Variants in ETV1 observed in about 807,000 individuals in gnomAD.
The protein encoded by ETV1 is ETS translocation variant 1.
Under a neutral mutation model 62.3 loss-of-function variants are expected in ETV1, and 27 were observed. The observed-to-expected ratio is 0.43, with a 90% CI of 0.32 to 0.60. ETV1 has a LOEUF of 0.60. ETV1 is among the 20% of genes least tolerant of loss of function. The pLI is 0.06. For missense variants in ETV1, 605 were observed against 605.8 expected, an observed-to-expected ratio of 1.00 and a Z score of 0.01; for synonymous variants, 222 against 199.6, an observed-to-expected ratio of 1.11 and a Z score of -0.94.
chr7:13,949,408 G>C (rs1439389068), intron 6 of ETV1, among the ~76,000 whole-genome samples: 2 of 152,102 alleles, frequency 1.3e-5, no homozygotes, highest in African/African-American at 2.4e-5. Context: ...AGAAGCAAAG[G>C]GGAAGGCTTG....
At chr7:13,981,938 T>C (rs1225900748) in intron 5 of ETV1, among the ~76,000 whole-genome samples, 1 of 152,102 alleles carries the variant, frequency 6.6e-6, no homozygotes, top group East Asian at 1.9e-4. Flanking sequence ...CCACTAAGCT[T>C]GGTTTTATAC....
chr7:13,990,893 G>T (rs1258804390), upstream of ETV1, among the ~76,000 whole-genome samples: 3 of 152,148 alleles, frequency 2.0e-5, no homozygotes, highest in Non-Finnish European at 4.4e-5. Flanking sequence ...ATTTCTATTT[G>T]AAAGTTTCCT....
intron 13 of ETV1, among the ~76,000 whole-genome samples, chr7:13,898,556 C>T (rs931673747): frequency 1.4e-4 from 21 of 152,078 alleles, no homozygotes; most frequent in African/African-American, 5.1e-4. Flanking sequence ...TTTCTTACTT[C>T]TTCCGTATTA....
intron 7 of ETV1, among the ~76,000 whole-genome samples, chr7:13,936,419 A>G (rs1012303881): frequency 6.6e-6 from 1 of 152,206 alleles, no homozygotes; most frequent in African/African-American, 2.4e-5. Flanking sequence ...ATTATATTAA[A>G]TAAATGATGC....
chr7:13,941,992 A>T lies in ETV1; in HGVS notation c.236-2746T>A, dbSNP rs534265457. ...TAGAATAAGAAATACTAAATGACAC[A>T]GCTTTGTAATACATTAACCATGCAT... On this transcript the variant is annotated intron_variant, in intron 6 of 13. Transcript: ENST00000430479. Among the ~76,000 whole-genome samples, 11 of 151,298 alleles carry T rather than the reference A, an allele frequency of 7.3e-5. No individual in the cohort carries two copies. In the East Asian group the frequency reaches 2.1e-3, roughly 29 times the overall value.
Position 13,906,298 on chromosome 7 carries a change from CTTT to C in ETV1, c.1110+129_1110+131del. The C allele has an allele frequency of 3.4e-6, 2 of 585,728 alleles. 1 individual carries two copies. Among genetic ancestry groups the C allele is most frequent in the South Asian group, 8.0e-5 (2 of 24,942 alleles). 36.3% of individuals were successfully genotyped at this position (585,728 alleles called of 1,614,324 possible). Reference sequence around the variant, plus strand: ...GGTAGACATGTTTTATCTTTGCATGCTTTTTAATTCAGAAAGTTTCCCTAAAGT... The same window carrying C: ...GGTAGACATGTTTTATCTTTGCATGCTTAATTCAGAAAGTTTCCCTAAAGT... On this transcript the variant is annotated intron_variant, in intron 12 of 13. Coordinates refer to ENST00000430479, the MANE Select transcript of ETV1 (RefSeq NM_004956.5).
chr7:13,930,390 T>C (rs1042319718), intron 9 of ETV1, among the ~76,000 whole-genome samples: 10 of 151,196 alleles, frequency 6.6e-5, no homozygotes, highest in Non-Finnish European at 3.0e-5. Context: ...GGCGCAATCT[T>C]GGCTCACTGC....
At chr7:13,937,686 G>C (rs1786967112) in intron 7 of ETV1, among the ~76,000 whole-genome samples, 3 of 152,126 alleles carry the variant, frequency 2.0e-5, no homozygotes, top group African/African-American at 7.2e-5. Context: ...TACTTGTAAG[G>C]AGAAAATGCA....
chr7:13,927,205 T>G (rs1325479867), intron 9 of ETV1, among the ~76,000 whole-genome samples: 1 of 152,180 alleles, frequency 6.6e-6, no homozygotes, highest in African/African-American at 2.4e-5. Flanking sequence ...TCCCAGCACT[T>G]TGGGAGGCTG....
At chr7:13,896,362 C>T (rs2189886) in intron 13 of ETV1, among the ~76,000 whole-genome samples, 63,498 of 151,878 alleles carry the variant, frequency 0.42, 13,459 homozygotes, top group African/African-American at 0.47. Context: ...ATTTGCTTGT[C>T]TTAATATAGA....
At chr7:13,898,203 A>T (rs982776995) in intron 13 of ETV1, among the ~76,000 whole-genome samples, 2 of 152,244 alleles carry the variant, frequency 1.3e-5, no homozygotes, top group Non-Finnish European at 2.9e-5. Context: ...AAAATGCTGT[A>T]CATTAAGTAT....
At chr7:13,975,763 C>G (rs1781393744) in intron 6 of ETV1, among the ~76,000 whole-genome samples, 1 of 151,264 alleles carries the variant, frequency 6.6e-6, no homozygotes, top group African/African-American at 2.4e-5. Flanking sequence ...TTCAAAGAGA[C>G]TAAATATTCA....
chr7:13,922,798 T>C (rs894378849), intron 9 of ETV1, among the ~76,000 whole-genome samples: 1 of 152,242 alleles, frequency 6.6e-6, no homozygotes, highest in African/African-American at 2.4e-5. Flanking sequence ...CTTTTTGTAA[T>C]CACTGCATAC....
intron 9 of ETV1, among the ~76,000 whole-genome samples, chr7:13,925,691 G>A (rs1785337512): frequency 6.6e-6 from 1 of 151,498 alleles, no homozygotes; most frequent in South Asian, 2.1e-4. Context: ...TCAGCCTCCA[G>A]AGTAGCTGGG....
chr7:13,925,426 C>T (rs926515995), intron 9 of ETV1, among the ~76,000 whole-genome samples: 1 of 152,192 alleles, frequency 6.6e-6, no homozygotes, highest in Non-Finnish European at 1.5e-5. Context: ...CCTCCCTCCT[C>T]TAAGGCAGTA....
chr7:13,970,943 A>C (rs761263999), intron 6 of ETV1, among the ~76,000 whole-genome samples: 5 of 151,982 alleles, frequency 3.3e-5, no homozygotes, highest in Non-Finnish European at 7.4e-5. Context: ...AAAAAAGTCA[A>C]ATGCTATTCT....
intron 9 of ETV1, among the ~76,000 whole-genome samples, chr7:13,922,609 G>GAC: frequency 6.6e-6 from 1 of 152,190 alleles, no homozygotes; most frequent in Admixed American, 6.5e-5. Flanking sequence ...AACAAAACAA[G>GAC]ACACACACAC....
In ETV1 at chr7:13,911,153, T is replaced by C. The variant is rs532039137; in HGVS notation, c.871+86A>G. The C allele has an allele frequency of 4.3e-5, 38 of 886,826 alleles. No individual in the cohort carries two copies. In the African/African-American group the frequency reaches 5.3e-4, roughly 12 times the overall value. 54.9% of individuals were successfully genotyped at this position (886,826 alleles called of 1,614,324 possible). The stretch of plus-strand genomic sequence containing the variant: ...CATAAATGATTTTTCCCAAATAATA[T>C]AATGATTAATTAAATGACGTCATAT... On this transcript the variant is annotated intron_variant, in intron 10 of 13. Coordinates refer to ENST00000430479, the MANE Select transcript of ETV1 (RefSeq NM_004956.5).
chr7:13,917,627 A>G (rs1455326638), intron 9 of ETV1, among the ~76,000 whole-genome samples: 1 of 150,014 alleles, frequency 6.7e-6, no homozygotes, highest in Non-Finnish European at 1.5e-5. Context: ...AACTTTGAGT[A>G]TTTATTTCAT....
Sources: gnomAD v4.1 joint callset for allele counts (sites outside exome capture counted in the v4.1 genomes callset) on GRCh38, gnomAD v4.1.1 for gene constraint, MANE v1.5 for transcripts, NCBI Gene and HGNC (gene_info 2026-07-23, HGNC 2026-07-21) for gene names.